Variants in GHR observed in about 807,000 individuals in gnomAD.
GHR encodes the protein GH receptor.
GHR carries 35 observed loss-of-function variants against 67.1 expected under a neutral mutation model. The ratio of observed to expected loss-of-function variants is 0.52; its 90% confidence interval spans 0.40 to 0.69. GHR has a LOEUF of 0.69. Ranked by LOEUF, GHR falls within the 30% of genes least tolerant of loss-of-function variation. The pLI is 0.00. For synonymous variants in GHR, 272 were observed against 269.1 expected, an observed-to-expected ratio of 1.01 and a Z score of -0.10; for missense variants, 792 against 764.6, an observed-to-expected ratio of 1.04 and a Z score of -0.42.
At chr5:42,629,245 AT>A in intron 3 of GHR, 142 bp downstream of exon 3, 1 of 616,930 alleles carries the variant, frequency 1.6e-6, no homozygotes, top group Non-Finnish European at 2.9e-6. Flanking sequence ...CAAGCAAAAC[AT>A]TTTTTAAGGA....
At chr5:42,442,891 C>T (rs761423881) in intron 1 of GHR, among the ~76,000 whole-genome samples, 15 of 152,350 alleles carry the variant, frequency 9.8e-5, no homozygotes, top group Admixed American at 3.9e-4. Flanking sequence ...TCTTCCCTGA[C>T]TCATTCTCCC....
intron 1 of GHR, among the ~76,000 whole-genome samples, chr5:42,478,398 T>G (rs1561329191): frequency 6.6e-6 from 1 of 152,140 alleles, no homozygotes; most frequent in Non-Finnish European, 1.5e-5. Context: ...AACTTTAAAG[T>G]AGTTTTTTCC....
intron 6 of GHR, among the ~76,000 whole-genome samples, chr5:42,703,144 A>T (rs1448325176): frequency 6.6e-6 from 1 of 151,984 alleles, no homozygotes; most frequent in South Asian, 2.1e-4. Flanking sequence ...AACCAATGTC[A>T]TGGAGCTTTT....
In GHR at chr5:42,695,001, G is replaced by A. The variant is rs759072721; in HGVS notation, c.351G>A (p.Ser117=). Residue 117 remains serine (S), a synonymous_variant, in exon 5 of 10, where the codon TCG becomes TCA. Transcript: ENST00000230882. ...AGENSCYFNS[S]FTSIWIPYCI... is the part of the protein sequence containing the mutation. ...AAAACAGCTGTTACTTTAATTCATC[G>A]TTTACCTCCATCTGGATACCTTATT... 15 of 1,609,332 alleles carry A rather than the reference G, an allele frequency of 9.3e-6. No individual in the cohort carries two copies. The highest frequency in any genetic ancestry group is 3.3e-4 in the Middle Eastern group (2 of 6,076).
At chr5:42,425,460 CT>C (rs1353682353) in intron 1 of GHR, among the ~76,000 whole-genome samples, 1 of 152,112 alleles carries the variant, frequency 6.6e-6, no homozygotes, top group African/African-American at 2.4e-5. Flanking sequence ...CTAGAAGTGT[CT>C]TTTTTCTGAT....
intron 1 of GHR, among the ~76,000 whole-genome samples, chr5:42,554,341 CA>C (rs879659958): frequency 0.011 from 1,528 of 137,798 alleles, 14 homozygotes; most frequent in African/African-American, 0.028. Context: ...TTCTGTCCTA[CA>C]AAAAAAAAAA....
At chr5:42,705,859 A>G (rs1199270442) in intron 6 of GHR, among the ~76,000 whole-genome samples, 2 of 152,064 alleles carry the variant, frequency 1.3e-5, no homozygotes, top group African/African-American at 4.8e-5. Context: ...GAACACACGC[A>G]TGCATGTGTC....
At chr5:42,661,486 T>C (rs1755620330) in intron 3 of GHR, among the ~76,000 whole-genome samples, 1 of 152,158 alleles carries the variant, frequency 6.6e-6, no homozygotes, top group Non-Finnish European at 1.5e-5. Flanking sequence ...AACCCAGAAT[T>C]TCATATCCAG....
At chr5:42,603,418 C>T (rs1379392835) in intron 2 of GHR, among the ~76,000 whole-genome samples, 1 of 151,984 alleles carries the variant, frequency 6.6e-6, no homozygotes, top group South Asian at 2.1e-4. Context: ...AAATATTCAA[C>T]CATTATTTCT....
rs760207417 is a variant in GHR, at chr5:42,718,077, G to A, written c.901G>A (p.Val301Ile). 6.3e-7 allele frequency: 1 copy of A among 1,592,550 alleles called. No homozygotes were observed. ...GATTAAAATGCTGATTCTGCCCCCAGTTCCAGTTCCAAAGATTAAAGGAAT... is the reference window on the plus strand; with the variant it reads ...GATTAAAATGCTGATTCTGCCCCCAATTCCAGTTCCAAAGATTAAAGGAAT... ...QRIKMLILPP[V>I]PVPKIKGIDP... is the part of the protein sequence containing the mutation. Residue 301 changes from valine to isoleucine, a missense_variant, in exon 9 of 10, where the codon GTT becomes ATT. Physicochemically the swap from Val to Ile is conservative, Grantham distance 29 (BLOSUM62 3). Transcript: ENST00000230882.
chr5:42,541,202 TAAAC>T (rs1279565723), intron 1 of GHR, among the ~76,000 whole-genome samples: 1 of 152,158 alleles, frequency 6.6e-6, no homozygotes, highest in African/African-American at 2.4e-5. Flanking sequence ...ACAGAGATGA[TAAAC>T]AAGTAAATAT....
chr5:42,685,842 C>G lies in GHR; in HGVS notation c.137-3048C>G, dbSNP rs182796600. On this transcript the variant is annotated intron_variant, in intron 3 of 9. Transcript: ENST00000230882. ...GTTCTTTGTAGATTCTGGATATTAG[C>G]CCTTTGTCAGATGGGCAGATTGCAA... 1.0e-3 allele frequency among the ~76,000 whole-genome samples: 153 copies of G among 152,080 alleles called. 1 individual carries two copies. Among genetic ancestry groups the G allele is most frequent in the African/African-American group, 3.6e-3 (151 of 41,480 alleles).
intron 2 of GHR, among the ~76,000 whole-genome samples, chr5:42,609,623 T>A (rs1380095958): frequency 6.6e-6 from 1 of 152,112 alleles, no homozygotes; most frequent in Non-Finnish European, 1.5e-5. Flanking sequence ...AGATAAAGGA[T>A]GAAGTGTCCT....
intron 7 of GHR, among the ~76,000 whole-genome samples, chr5:42,712,315 A>C (rs889548988): frequency 2.0e-5 from 3 of 152,098 alleles, no homozygotes; most frequent in Admixed American, 2.0e-4. Context: ...GATATTATGC[A>C]ATTCTGGCCT....
chr5:42,665,198 C>T (rs1209648114), intron 3 of GHR, among the ~76,000 whole-genome samples: 1 of 152,108 alleles, frequency 6.6e-6, no homozygotes, highest in African/African-American at 2.4e-5. Context: ...GGCGATTCCT[C>T]AGGGATCTAG....
chr5:42,681,504 T>C (rs1265238658), intron 3 of GHR, among the ~76,000 whole-genome samples: 1 of 152,208 alleles, frequency 6.6e-6, no homozygotes, highest in Non-Finnish European at 1.5e-5. Context: ...TTTTACACTG[T>C]TGGTGGGAGT....
In GHR at chr5:42,534,328, G is replaced by A. The variant is rs192200033; in HGVS notation, c.-11-31536G>A. 1.3e-3 allele frequency among the ~76,000 whole-genome samples: 168 copies of A among 133,044 alleles called. 2 individuals are homozygous for A. The highest frequency in any genetic ancestry group is 9.6e-3 in the East Asian group (38 of 3,970). 87.3% of individuals were successfully genotyped at this position (133,044 alleles called of 152,430 possible). On this transcript the variant is annotated intron_variant, in intron 1 of 9. Coordinates refer to ENST00000230882, the MANE Select transcript of GHR (RefSeq NM_000163.5). The stretch of plus-strand genomic sequence containing the variant: ...TATATATGTATGTATATATGTACAT[G>A]TGTATATGTGTATATATGTATGTAT...
intron 1 of GHR, chr5:42,548,356 G>A (rs1748835591): frequency 1.0e-6 from 1 of 985,290 alleles, no homozygotes; most frequent in African/African-American, 1.7e-5. Flanking sequence ...ACTTCTGTGG[G>A]ATCCCACCTC....
chr5:42,475,586 G>A lies in GHR; in HGVS notation c.-12+51631G>A, dbSNP rs576046633. Among the ~76,000 whole-genome samples the A allele has an allele frequency of 3.4e-4, 49 of 143,618 alleles. 1 individual carries two copies. In the East Asian group the frequency reaches 9.6e-3, roughly 28 times the overall value. 94.2% of individuals were successfully genotyped at this position (143,618 alleles called of 152,430 possible). ...ATGCGCATTTTGTATTTGTAATTAT[G>A]TATTTTTTTTTTTTCTTAAAAAGGA... On this transcript the variant is annotated intron_variant, in intron 1 of 9. Transcript: ENST00000230882.
Sources: allele counts gnomAD v4.1 joint callset (sites outside exome capture counted in the v4.1 genomes callset), GRCh38; gene constraint gnomAD v4.1.1; transcripts MANE v1.5; gene names NCBI Gene and HGNC (gene_info 2026-07-23, HGNC 2026-07-21).